Variants in ARHGEF12 observed in about 807,000 individuals in gnomAD.
ARHGEF12 encodes KMT2A/ARHGEF12 fusion protein.
In ARHGEF12, 66 loss-of-function variants were observed where a neutral mutation model predicts 211.2. The observed-to-expected ratio is 0.31, with a 90% CI of 0.26 to 0.38. The LOEUF is 0.38. Among genes scored for constraint, ARHGEF12 ranks in the 10% least tolerant of loss-of-function variants. The pLI is 1.00. For missense variants in ARHGEF12, 1,429 were observed against 1,869.5 expected (o/e 0.76, Z 4.34); for synonymous variants, 592 against 638.4 (o/e 0.93, Z 1.09).
intron 1 of ARHGEF12, among the ~76,000 whole-genome samples, chr11:120,362,802 C>A (rs1308219590): frequency 6.6e-6 from 1 of 152,098 alleles, no homozygotes; most frequent in East Asian, 1.9e-4. Flanking sequence ...AATCAACAGA[C>A]CCCTACTTAA....
At chr11:120,343,478 AT>A (rs1196552722) in intron 1 of ARHGEF12, among the ~76,000 whole-genome samples, 1 of 152,264 alleles carries the variant, frequency 6.6e-6, no homozygotes, top group Non-Finnish European at 1.5e-5. Flanking sequence ...CTGTGCCTAA[AT>A]TGCATGAGTA....
chr11:120,382,071 GT>G (rs1261418118), intron 1 of ARHGEF12, among the ~76,000 whole-genome samples: 2 of 152,222 alleles, frequency 1.3e-5, no homozygotes, highest in South Asian at 2.1e-4. Flanking sequence ...ATCATAATTT[GT>G]TTTTTCATTC....
At chr11:120,407,401 T>A (rs1475597732) in intron 2 of ARHGEF12, among the ~76,000 whole-genome samples, 2 of 152,180 alleles carry the variant, frequency 1.3e-5, no homozygotes, top group African/African-American at 4.8e-5. Context: ...TGGGTTTAAT[T>A]CCTTTTAGGC....
intron 11 of ARHGEF12, among the ~76,000 whole-genome samples, chr11:120,433,614 A>G (rs1000593838): frequency 6.6e-6 from 1 of 152,198 alleles, no homozygotes. Flanking sequence ...TTGTATTTAG[A>G]GGAATGTTAC....
chr11:120,441,263 T>C (rs1945859577), intron 13 of ARHGEF12, among the ~76,000 whole-genome samples: 1 of 152,158 alleles, frequency 6.6e-6, no homozygotes, highest in Non-Finnish European at 1.5e-5. Context: ...GTTCAGTATA[T>C]TTAGGGATTA....
chr11:120,388,464 C>A (rs1357021536), intron 1 of ARHGEF12, among the ~76,000 whole-genome samples: 2 of 152,108 alleles, frequency 1.3e-5, no homozygotes, highest in African/African-American at 4.8e-5. Context: ...CATAAGCTTT[C>A]ATCTCTTAGG....
At chr11:120,422,996 A>C (rs1389604609) in intron 6 of ARHGEF12, among the ~76,000 whole-genome samples, 1 of 152,190 alleles carries the variant, frequency 6.6e-6, no homozygotes, top group Non-Finnish European at 1.5e-5. Flanking sequence ...AATAATTTGG[A>C]AGAAATATCT....
At chr11:120,463,877 T>C (rs1196934660) in intron 27 of ARHGEF12, 1 of 152,196 alleles carries the variant, frequency 6.6e-6, no homozygotes, top group Non-Finnish European at 1.5e-5. Flanking sequence ...ATGGAAAACA[T>C]CTTCGTAAAC....
In ARHGEF12 at chr11:120,485,949, T is replaced by C. The variant is rs115386678; in HGVS notation, c.*872T>C. 1,120 of 233,574 alleles carry C rather than the reference T, an allele frequency of 4.8e-3. 9 individuals are homozygous for C. Among genetic ancestry groups the C allele is most frequent in the African/African-American group, 0.023 (1,051 of 45,424 alleles). 14.5% of individuals were successfully genotyped at this position (233,574 alleles called of 1,614,324 possible). A position where few individuals can be genotyped will look rare whatever the true frequency, so the allele number is the denominator to read the frequency against. ...TATTTTCTTGACTATAAATTTGTTA[T>C]TCTTGGTATCATTTCATTTTTATAA... On this transcript the variant is annotated 3_prime_UTR_variant, in exon 41 of 41. Coordinates refer to ENST00000397843, the MANE Select transcript of ARHGEF12 (RefSeq NM_015313.3).
At chr11:120,466,023 G>A (rs914326586) in intron 28 of ARHGEF12, among the ~76,000 whole-genome samples, 1 of 152,186 alleles carries the variant, frequency 6.6e-6, no homozygotes, top group Non-Finnish European at 1.5e-5. Context: ...TTAAGGGTTG[G>A]TAAACTATGG....
At chr11:120,337,428 C>T (rs1210970702) in intron 1 of ARHGEF12, 153 bp downstream of exon 1, 1 of 984,326 alleles carries the variant, frequency 1.0e-6, no homozygotes, top group Non-Finnish European at 1.2e-6. Context: ...GGGTTGCTGC[C>T]GAGTTATCCA....
chr11:120,478,935 A>G (rs180886786), intron 37 of ARHGEF12, among the ~76,000 whole-genome samples: 7 of 152,374 alleles, frequency 4.6e-5, no homozygotes, highest in Admixed American at 4.6e-4. Context: ...GGGAATATTT[A>G]GAGATAATTT....
chr11:120,460,566 T>A, intron 26 of ARHGEF12, 106 bp from the exon 27 acceptor site: 1 of 746,998 alleles, frequency 1.3e-6, no homozygotes, highest in Non-Finnish European at 2.2e-6. Context: ...GCTGTACTAC[T>A]GTGAAAATCG....
intron 1 of ARHGEF12, among the ~76,000 whole-genome samples, chr11:120,338,671 G>T (rs554865216): frequency 6.6e-6 from 1 of 151,988 alleles, no homozygotes; most frequent in Non-Finnish European, 1.5e-5. Flanking sequence ...TCACTTTTAC[G>T]GGTGTGGGGA....
intron 32 of ARHGEF12, among the ~76,000 whole-genome samples, chr11:120,475,019 A>C (rs1439287801): frequency 6.6e-6 from 1 of 152,120 alleles, no homozygotes; most frequent in African/African-American, 2.4e-5. Context: ...TCACAGATGC[A>C]GTCATGGTGC....
At chr11:120,420,154 T>C (rs2135665456) in intron 4 of ARHGEF12, among the ~76,000 whole-genome samples, 1 of 152,338 alleles carries the variant, frequency 6.6e-6, no homozygotes, top group Admixed American at 6.5e-5. Flanking sequence ...TCTTTTCTGT[T>C]TCTGTTTTCT....
chr11:120,433,253 G>A (rs1387602267), intron 11 of ARHGEF12, among the ~76,000 whole-genome samples: 4 of 152,162 alleles, frequency 2.6e-5, no homozygotes, highest in African/African-American at 4.8e-5. Context: ...AAGCACTGAG[G>A]TTTGAAAATG....
chr11:120,432,800 T>C (rs868736161), intron 11 of ARHGEF12, among the ~76,000 whole-genome samples: 63 of 152,210 alleles, frequency 4.1e-4, no homozygotes, highest in African/African-American at 1.4e-3. Flanking sequence ...TTTGTTTTGT[T>C]GTTTTTTAAA....
intron 1 of ARHGEF12, among the ~76,000 whole-genome samples, chr11:120,389,897 A>G (rs978708611): frequency 8.5e-5 from 13 of 152,154 alleles, no homozygotes; most frequent in African/African-American, 4.8e-5. Context: ...CATTGTGTAT[A>G]TGTACCACAT....
Sources: gnomAD v4.1 joint callset for allele counts (sites outside exome capture counted in the v4.1 genomes callset) on GRCh38, gnomAD v4.1.1 for gene constraint, MANE v1.5 for transcripts, NCBI Gene and HGNC (gene_info 2026-07-23, HGNC 2026-07-21) for gene names.